NIBAN2: variants seen among roughly 807,000 people sequenced by gnomAD.
NIBAN2 encodes protein Niban 2.
A neutral mutation model predicts 81.8 loss-of-function variants in NIBAN2; 36 were observed. The ratio of observed to expected loss-of-function variants is 0.44; its 90% confidence interval spans 0.34 to 0.58. The LOEUF is 0.58. Among genes scored for constraint, NIBAN2 ranks in the 20% least tolerant of loss-of-function variants. NIBAN2 has a pLI of 0.02. For missense variants in NIBAN2, 897 were observed against 1,014.1 expected (o/e 0.88, Z 1.57); for synonymous variants, 445 against 441.6 (o/e 1.01, Z -0.10).
chr9:127,524,639 A>G (rs1418443164), intron 4 of NIBAN2, among the ~76,000 whole-genome samples: 1 of 152,200 alleles, frequency 6.6e-6, no homozygotes, highest in Non-Finnish European at 1.5e-5. Context: ...CCATCACCAC[A>G]GAATGAAGGC....
At chr9:127,576,579 T>C (rs776772372) in intron 1 of NIBAN2, among the ~76,000 whole-genome samples, 12 of 151,902 alleles carry the variant, frequency 7.9e-5, no homozygotes, top group Non-Finnish European at 1.6e-4. Context: ...ACACCCACTT[T>C]ACAGGAGAGA....
chr9:127,527,677 T>C (rs1451613260), intron 2 of NIBAN2, among the ~76,000 whole-genome samples: 1 of 152,142 alleles, frequency 6.6e-6, no homozygotes, highest in African/African-American at 2.4e-5. Context: ...TCTGGGGAGA[T>C]GGTTGCTCCC....
At chr9:127,540,875 C>T (rs185381651) in intron 1 of NIBAN2, among the ~76,000 whole-genome samples, 1 of 152,176 alleles carries the variant, frequency 6.6e-6, no homozygotes, top group Admixed American at 6.5e-5. Flanking sequence ...ACCTCACCCA[C>T]GAGGCCCAGC....
At position 127,508,833 on chromosome 9, in the gene NIBAN2, T is replaced by C. The variant is rs1386144809; in HGVS notation, c.1317+143A>G. On this transcript the variant is annotated intron_variant, in intron 10 of 13. Transcript: ENST00000373312. This position sits in a 1 kb window ranked among gnomAD's most constrained non-coding sequence, Gnocchi z 6.4. ...TTAGCCAGGTGGGCAGAGGCACAGA[T>C]GTTCCAAGCAGAGGAGGAGAGAGCG... 10 of 938,924 alleles carry C rather than the reference T, an allele frequency of 1.1e-5. No homozygotes were observed. Among genetic ancestry groups the C allele is most frequent in the Admixed American group, 9.2e-5 (4 of 43,582 alleles). 58.2% of individuals were successfully genotyped at this position (938,924 alleles called of 1,614,324 possible).
intron 1 of NIBAN2, among the ~76,000 whole-genome samples, chr9:127,537,840 G>A (rs937604437): frequency 1.3e-5 from 2 of 152,168 alleles, no homozygotes; most frequent in South Asian, 2.1e-4. Flanking sequence ...AAAACCTGCC[G>A]AGGCCCCTCA....
intron 9 of NIBAN2, among the ~76,000 whole-genome samples, chr9:127,509,385 G>GCACT (rs1205185301): frequency 6.6e-6 from 1 of 152,110 alleles, no homozygotes; most frequent in Non-Finnish European, 1.5e-5. Flanking sequence ...CCGGCAGAAG[G>GCACT]CACTCATCCC....
chr9:127,563,098 C>T lies in NIBAN2; in HGVS notation c.55+5722G>A, dbSNP rs1007192943. 5.3e-5 allele frequency among the ~76,000 whole-genome samples: 8 copies of T among 152,098 alleles called. No homozygotes were observed. Among genetic ancestry groups the T allele is most frequent in the East Asian group, 1.9e-4 (1 of 5,182 alleles). On this transcript the variant is annotated intron_variant, in intron 1 of 13. Coordinates refer to ENST00000373312, the MANE Select transcript of NIBAN2 (RefSeq NM_022833.4). This position sits in a 1 kb window ranked among gnomAD's most constrained non-coding sequence, Gnocchi z 4.1. ...AGCAGGGAGGGCAGCCATGGCCCCG[C>T]GTGGGTTTAGAAAGGTCCCTTTGGC...
At chr9:127,522,168 C>G (rs757072498) in intron 5 of NIBAN2, among the ~76,000 whole-genome samples, 1 of 152,224 alleles carries the variant, frequency 6.6e-6, no homozygotes, top group East Asian at 1.9e-4. Flanking sequence ...GAACAGGAGG[C>G]CCTTTGTGGG....
At chr9:127,540,989 A>C (rs1248487114) in intron 1 of NIBAN2, among the ~76,000 whole-genome samples, 1 of 152,212 alleles carries the variant, frequency 6.6e-6, no homozygotes, top group Non-Finnish European at 1.5e-5. Flanking sequence ...CCTGGTTCCC[A>C]GGGCATAGGG....
chr9:127,517,708 C>A lies in NIBAN2; in HGVS notation c.705+118G>T. 1 of 713,172 alleles carries A rather than the reference C, an allele frequency of 1.4e-6. No individual in the cohort carries two copies. The highest frequency in any genetic ancestry group is 2.3e-5 in the Admixed American group (1 of 44,084). The allele number at this position is 713,172 out of a possible 1,614,324, so 44.2% of individuals were successfully genotyped here. On this transcript the variant is annotated intron_variant, in intron 6 of 13. Coordinates refer to ENST00000373312, the MANE Select transcript of NIBAN2 (RefSeq NM_022833.4). This position sits in a 1 kb window ranked among gnomAD's most constrained non-coding sequence, Gnocchi z 4.0. ...TGCACTTGTCCAAATCTAAGCATGT[C>A]ATCTCCTTCCAAACCGGCAGCGCCC...
chr9:127,520,104 C>T (rs1414672772), intron 5 of NIBAN2, among the ~76,000 whole-genome samples: 1 of 152,182 alleles, frequency 6.6e-6, no homozygotes. Flanking sequence ...CAGGGTCACC[C>T]CTCCTGAGCT....
intron 1 of NIBAN2, among the ~76,000 whole-genome samples, chr9:127,566,588 C>T (rs931412389): frequency 5.3e-5 from 8 of 152,230 alleles, no homozygotes; most frequent in South Asian, 2.1e-4. Flanking sequence ...CTGCTTGGGG[C>T]GGGCACAAAG....
chr9:127,507,542 T>A lies in NIBAN2; in HGVS notation c.1655-111A>T. 1.0e-6 allele frequency: 1 copy of A among 1,003,276 alleles called. No homozygotes were observed. The highest frequency in any genetic ancestry group is 1.8e-5 in the South Asian group (1 of 55,448). 62.1% of individuals were successfully genotyped at this position (1,003,276 alleles called of 1,614,324 possible). A position where few individuals can be genotyped will look rare whatever the true frequency, so the allele number is the denominator to read the frequency against. On this transcript the variant is annotated intron_variant, in intron 13 of 13. Coordinates refer to ENST00000373312, the MANE Select transcript of NIBAN2 (RefSeq NM_022833.4). This position sits in a 1 kb window ranked among gnomAD's most constrained non-coding sequence, Gnocchi z 6.8. ...TCATCCCGCCTTGGGGGTCTGTGGTTGGGATGTGACTCATTCCAGGCCTCG... is the reference window on the plus strand; with the variant it reads ...TCATCCCGCCTTGGGGGTCTGTGGTAGGGATGTGACTCATTCCAGGCCTCG...
Position 127,539,776 on chromosome 9 carries a change from AC to A in NIBAN2, c.56-7999del, listed in dbSNP as rs1837344152. ...CAGCCCCCTCGGGCCAGACAAAAGG[AC>A]CCGGGGGGAGAACTAGGCACCCCCC... On this transcript the variant is annotated intron_variant, in intron 1 of 13. Transcript: ENST00000373312. Among the ~76,000 whole-genome samples the A allele has an allele frequency of 3.3e-5, 5 of 152,158 alleles. 1 individual carries two copies. The South Asian group carries it at 1.0e-3, about 32-fold the overall frequency.
intron 1 of NIBAN2, 101 bp downstream of exon 1, chr9:127,568,719 C>T: frequency 6.5e-6 from 7 of 1,082,372 alleles, no homozygotes; most frequent in Non-Finnish European, 6.9e-6. Context: ...GCCTGACTCC[C>T]CCGAGCCCCC....
chr9:127,572,255 C>T (rs1033739639), upstream of NIBAN2, among the ~76,000 whole-genome samples: 1 of 152,102 alleles, frequency 6.6e-6, no homozygotes, highest in African/African-American at 2.4e-5. Context: ...CTCAAGGGAT[C>T]CTCCCGCCTA....
intron 5 of NIBAN2, among the ~76,000 whole-genome samples, chr9:127,518,742 G>A (rs898828518): frequency 1.3e-5 from 2 of 152,230 alleles, no homozygotes; most frequent in Admixed American, 6.5e-5. Flanking sequence ...AGGGACAGGA[G>A]ATCAGGGTCC....
intron 1 of NIBAN2, among the ~76,000 whole-genome samples, chr9:127,576,257 G>A (rs992483108): frequency 6.6e-6 from 1 of 152,042 alleles, no homozygotes; most frequent in Admixed American, 6.6e-5. Context: ...CATGCCTGCA[G>A]TGGCCATGAC....
intron 1 of NIBAN2, among the ~76,000 whole-genome samples, chr9:127,565,206 C>T (rs1402432124): frequency 6.6e-6 from 1 of 152,020 alleles, no homozygotes; most frequent in Non-Finnish European, 1.5e-5. Flanking sequence ...AAGCAATCCG[C>T]CCTCCTCAGC....
Sources: gnomAD v4.1 joint callset for allele counts (sites outside exome capture counted in the v4.1 genomes callset) on GRCh38, gnomAD v4.1.1 for gene constraint, Gnocchi (gnomAD v3.1) non-coding constraint, MANE v1.5 for transcripts, NCBI Gene and HGNC (gene_info 2026-07-23, HGNC 2026-07-21) for gene names.